Variants in BTK observed in about 807,000 individuals in gnomAD.
BTK encodes Bruton tyrosine kinase.
In BTK, 5 loss-of-function variants were observed where a neutral mutation model predicts 57.4. That is an observed-to-expected ratio of 0.09 (90% CI 0.05 to 0.18). The LOEUF (loss-of-function observed/expected upper bound fraction) is 0.18, where lower values mean the gene tolerates loss of function less well. Ranked by LOEUF, BTK falls within the 10% of genes least tolerant of loss-of-function variation. BTK has a pLI of 1.00. For missense variants in BTK, 194 were observed against 501.2 expected (o/e 0.39, Z 5.85); for synonymous variants, 154 against 174.3 (o/e 0.88, Z 0.92).
Position 101,349,759 on chromosome X carries a change from A to G in BTK, c.*126T>C, listed in dbSNP as rs1258761894. ...AAGAGGTGCATTCCCAGATGTAGAG[A>G]GGGGCCTTTTTGTATTGAGTGGGAG... On this transcript the variant is annotated 3_prime_UTR_variant, in exon 19 of 19. Transcript: ENST00000308731. 7.1e-6 allele frequency: 4 copies of G among 559,784 alleles called. No homozygotes were observed. Among genetic ancestry groups the G allele is most frequent in the Non-Finnish European group, 1.2e-5 (4 of 326,775 alleles). 46.1% of individuals were successfully genotyped at this position (559,784 alleles called of 1,213,427 possible). A position where few individuals can be genotyped will look rare whatever the true frequency, so the allele number is the denominator to read the frequency against.
intron 3 of BTK, 130 bp from the exon 4 acceptor site, chrX:101,371,831 T>C (rs925442674): frequency 7.3e-6 from 4 of 545,469 alleles, no homozygotes; most frequent in East Asian, 3.5e-5. Flanking sequence ...TTCTTAGTGA[T>C]TACTTTCTAT....
At chrX:101,381,886 G>A (rs1442597066) in intron 1 of BTK, among the ~76,000 whole-genome samples, 2 of 109,295 alleles carry the variant, frequency 1.8e-5, no homozygotes, top group African/African-American at 6.7e-5. Context: ...ACAAAAATTA[G>A]CCTGGCGTGG....
intron 14 of BTK, 90 bp downstream of exon 14, chrX:101,356,694 T>A: frequency 1.8e-6 from 2 of 1,088,365 alleles, no homozygotes; most frequent in Non-Finnish European, 2.6e-6. Context: ...CCTCTCTTAC[T>A]GTAAGTCATC....
At chrX:101,354,801 C>G in intron 15 of BTK, 107 bp from the exon 16 acceptor site, 1 of 737,175 alleles carries the variant, frequency 1.4e-6, no homozygotes, top group African/African-American at 2.1e-5. Flanking sequence ...TCATCTCCTT[C>G]GACTACAGAC....
intron 5 of BTK, among the ~76,000 whole-genome samples, chrX:101,369,290 A>G (rs781807454): frequency 4.5e-5 from 5 of 112,319 alleles, no homozygotes; most frequent in African/African-American, 1.6e-4. Flanking sequence ...TTTGATCCTT[A>G]CAACAACCCC....
upstream of BTK, among the ~76,000 whole-genome samples, chrX:101,390,036 C>T (rs1165675344): frequency 1.8e-5 from 2 of 111,748 alleles, no homozygotes; most frequent in East Asian, 5.6e-4. Context: ...TAGAGTCAGT[C>T]TACTTGGGTT....
intron 18 of BTK, among the ~76,000 whole-genome samples, chrX:101,351,729 G>C (rs782362230): frequency 9.0e-6 from 1 of 111,689 alleles, no homozygotes; most frequent in Admixed American, 9.6e-5. Context: ...TTTAATAGTA[G>C]TAGGACAGAT....
intron 18 of BTK, 113 bp downstream of exon 18, chrX:101,353,081 A>G: frequency 1.3e-6 from 1 of 761,116 alleles, no homozygotes; most frequent in Admixed American, 3.0e-5. Context: ...AAAAAAAAAA[A>G]AAAAGGAAAA....
At chrX:101,353,530 T>C (rs1281331805) in intron 17 of BTK, among the ~76,000 whole-genome samples, 179 bp from the exon 18 acceptor site, 1 of 111,652 alleles carries the variant, frequency 9.0e-6, no homozygotes, top group Admixed American at 9.6e-5. Context: ...AAGGTCGTAC[T>C]AGACTATTAA....
chrX:101,368,368 A>G (rs1555979795), intron 5 of BTK, among the ~76,000 whole-genome samples: 1 of 112,021 alleles, frequency 8.9e-6, no homozygotes, highest in Non-Finnish European at 1.9e-5. Context: ...ACTATAGAAT[A>G]TTTTGCAACC....
At chrX:101,353,722 T>G in intron 17 of BTK, 148 bp downstream of exon 17, 1 of 572,209 alleles carries the variant, frequency 1.7e-6, no homozygotes, top group Non-Finnish European at 3.0e-6. Flanking sequence ...CAGAAACCCC[T>G]GTGGTGGCTG....
In BTK at chrX:101,354,670, C is replaced by G. The variant is rs782740486; in HGVS notation, c.1591G>C (p.Asp531His). The G allele has an allele frequency of 8.3e-7, 1 of 1,211,690 alleles. No homozygotes were observed. ...TCAGATACTTTAACAACTCCTTGATCGTTTACCAAACAGTTTCGAGCTGCC... is the reference window on the plus strand; with the variant it reads ...TCAGATACTTTAACAACTCCTTGATGGTTTACCAAACAGTTTCGAGCTGCC... ...DLAARNCLVN[D>H]QGVVKVSDFG... Residue 531 changes from aspartate (D) to histidine (H), a missense_variant, in exon 16 of 19, where the codon GAT becomes CAT. By Grantham distance (81) the Asp-to-His change is moderately conservative (BLOSUM62 -1). Transcript: ENST00000308731.
intron 13 of BTK, among the ~76,000 whole-genome samples, 174 bp downstream of exon 13, chrX:101,357,335 G>A (rs1926516429): frequency 8.9e-6 from 1 of 111,899 alleles, no homozygotes; most frequent in South Asian, 3.7e-4. Context: ...AGTCCCAGTC[G>A]TAGCCACTAG....
chrX:101,364,041 C>T (rs1330336083), intron 5 of BTK, among the ~76,000 whole-genome samples: 1 of 107,202 alleles, frequency 9.3e-6, no homozygotes, highest in African/African-American at 3.4e-5. Flanking sequence ...CAAGCACTCA[C>T]CACCAGGTCC....
chrX:101,383,124 CT>C (rs1355666635), intron 1 of BTK, among the ~76,000 whole-genome samples: 2 of 111,707 alleles, frequency 1.8e-5, no homozygotes, highest in Non-Finnish European at 3.8e-5. Context: ...CGGCATATTC[CT>C]TCCATTTTTT....
chrX:101,349,861 G>C lies in BTK; in HGVS notation c.*24C>G. 3 of 1,179,409 alleles carry C rather than the reference G, an allele frequency of 2.5e-6. No homozygotes were observed. The highest frequency in any genetic ancestry group is 3.5e-6 in the Non-Finnish European group (3 of 866,790). On this transcript the variant is annotated 3_prime_UTR_variant, in exon 19 of 19. Coordinates refer to ENST00000308731, the MANE Select transcript of BTK (RefSeq NM_000061.3). ...TTGGGGCTTGTGGAGAAGAGAAGTAGAACCAAGAAGCTTATTGGCGAGCTC... is the reference window on the plus strand; with the variant it reads ...TTGGGGCTTGTGGAGAAGAGAAGTACAACCAAGAAGCTTATTGGCGAGCTC...
intron 9 of BTK, 126 bp downstream of exon 9, chrX:101,359,962 A>G: frequency 5.4e-6 from 1 of 185,649 alleles, no homozygotes; most frequent in Non-Finnish European, 9.0e-6. Context: ...GTATACATAT[A>G]TACACTTGTG....
chrX:101,359,938 GTATGTATACA>G (rs1406533716), intron 9 of BTK, 140 bp downstream of exon 9: 1 of 155,965 alleles, frequency 6.4e-6, no homozygotes, highest in Admixed American at 8.5e-5. Flanking sequence ...ATACACCAGT[GTATGTATACA>G]TATGTATACA....
At chrX:101,383,941 G>A (rs1927533620) in intron 1 of BTK, among the ~76,000 whole-genome samples, 1 of 111,643 alleles carries the variant, frequency 9.0e-6, no homozygotes, top group Admixed American at 9.6e-5. Flanking sequence ...GCATAACCAA[G>A]TAGCTTTGGA....
Sources: gnomAD v4.1 joint callset for allele counts (sites outside exome capture counted in the v4.1 genomes callset) on GRCh38, gnomAD v4.1.1 for gene constraint, MANE v1.5 for transcripts, NCBI Gene and HGNC (gene_info 2026-07-23, HGNC 2026-07-21) for gene names.